The following TASP1 variants were observed in gnomAD, a reference collection of about 807,000 sequenced individuals.
The protein encoded by TASP1 is threonine aspartase 1.
TASP1 carries 16 observed loss-of-function variants against 56.6 expected under a neutral mutation model. That is an observed-to-expected ratio of 0.28 (90% CI 0.19 to 0.43). TASP1 has a LOEUF of 0.43. Among genes scored for constraint, TASP1 ranks in the 20% least tolerant of loss-of-function variants. The pLI is 1.00. For missense variants in TASP1, 393 were observed against 511.6 expected, an observed-to-expected ratio of 0.77 and a Z score of 2.24; for synonymous variants, 179 against 184.2, an observed-to-expected ratio of 0.97 and a Z score of 0.23.
chr20:13,593,470 TACC>T (rs888236752), intron 4 of TASP1, among the ~76,000 whole-genome samples: 2 of 152,156 alleles, frequency 1.3e-5, no homozygotes, highest in African/African-American at 4.8e-5. Flanking sequence ...TGACAGACTG[TACC>T]TGGAAAAACA....
chr20:13,495,287 C>A (rs2146596070), intron 10 of TASP1, among the ~76,000 whole-genome samples: 2 of 152,216 alleles, frequency 1.3e-5, no homozygotes, highest in Admixed American at 1.3e-4. Context: ...CAATATAAAT[C>A]ATTTCATCAG....
the TASP1 span, among the ~76,000 whole-genome samples, chr20:13,115,622 T>C: frequency 6.6e-6 from 1 of 152,208 alleles, no homozygotes; most frequent in South Asian, 2.1e-4. Context: ...CCATTTATTA[T>C]GTATGACATC....
At chr20:13,232,388 A>G in the TASP1 span, among the ~76,000 whole-genome samples, 2 of 152,208 alleles carry the variant, frequency 1.3e-5, no homozygotes, top group Non-Finnish European at 2.9e-5. Flanking sequence ...ACTTTTATAT[A>G]AGTGGAATAC....
At chr20:13,417,542 A>C (rs753078475) in intron 12 of TASP1, 21 bp from the exon 13 acceptor site, 20 of 1,613,310 alleles carry the variant, frequency 1.2e-5, no homozygotes, top group Admixed American at 3.3e-5. Flanking sequence ...AGAGAACACA[A>C]ATAGGCACAT....
intron 8 of TASP1, among the ~76,000 whole-genome samples, chr20:13,542,279 T>C (rs925223019): frequency 3.3e-5 from 5 of 152,130 alleles, no homozygotes; most frequent in African/African-American, 1.2e-4. Context: ...AAAGCATTAA[T>C]AGAGATACAG....
At chr20:13,412,137 C>T (rs1033357644) in intron 13 of TASP1, among the ~76,000 whole-genome samples, 2 of 152,144 alleles carry the variant, frequency 1.3e-5, no homozygotes, top group African/African-American at 4.8e-5. Context: ...TGGTGTGTTG[C>T]CACTTGATGA....
At chr20:13,121,140 G>C in the TASP1 span, among the ~76,000 whole-genome samples, 1 of 152,316 alleles carries the variant, frequency 6.6e-6, no homozygotes, top group South Asian at 2.1e-4. Flanking sequence ...CCCAGGCAAG[G>C]ATCTTGAGTC....
chr20:13,223,472 A>G, the TASP1 span, among the ~76,000 whole-genome samples: 1 of 152,188 alleles, frequency 6.6e-6, no homozygotes, highest in Non-Finnish European at 1.5e-5. Flanking sequence ...AGGTACAGAG[A>G]GGTTAAAAAA....
intron 10 of TASP1, among the ~76,000 whole-genome samples, chr20:13,525,012 G>A (rs934152342): frequency 1.2e-4 from 19 of 152,130 alleles, no homozygotes; most frequent in Non-Finnish European, 2.9e-5. Context: ...TCTCACTGAT[G>A]AGACATCCCT....
At chr20:13,122,696 C>T in the TASP1 span, among the ~76,000 whole-genome samples, 5 of 152,174 alleles carry the variant, frequency 3.3e-5, no homozygotes, top group Non-Finnish European at 7.3e-5. Flanking sequence ...AACCTCAGGC[C>T]ACCAGGGAAT....
the TASP1 span, among the ~76,000 whole-genome samples, chr20:13,200,592 G>T: frequency 6.6e-6 from 1 of 152,056 alleles, no homozygotes; most frequent in African/African-American, 2.4e-5. Flanking sequence ...TTAAAATATG[G>T]TTTATTTTCT....
At position 13,469,212 on chromosome 20, in the gene TASP1, T is replaced by G. The variant is rs771052093; in HGVS notation, c.985+14015A>C. Among the ~76,000 whole-genome samples the G allele has an allele frequency of 2.6e-5, 4 of 152,330 alleles. No homozygotes were observed. In the East Asian group the frequency reaches 5.8e-4, roughly 22 times the overall value. On this transcript the variant is annotated intron_variant, in intron 11 of 13. Coordinates refer to ENST00000337743, the MANE Select transcript of TASP1 (RefSeq NM_017714.3). ...CCAAATTATTTCCAGTTATCAAAATTTAGTAGCTATTTTAAATGGCTTTTT... is the reference window on the plus strand; with the variant it reads ...CCAAATTATTTCCAGTTATCAAAATGTAGTAGCTATTTTAAATGGCTTTTT...
the TASP1 span, among the ~76,000 whole-genome samples, chr20:13,134,724 T>C: frequency 6.6e-6 from 1 of 151,224 alleles, no homozygotes; most frequent in Non-Finnish European, 1.5e-5. Flanking sequence ...GAACAGAGGA[T>C]GGAATTCTGG....
At position 13,528,346 on chromosome 20, in the gene TASP1, CTA is replaced by C. The variant is rs377751766; in HGVS notation, c.874+85_874+86del. The C allele has an allele frequency of 9.7e-6, 11 of 1,132,372 alleles. No homozygotes were observed. In the African/African-American group the frequency reaches 1.2e-4, roughly 13 times the overall value. The allele number at this position is 1,132,372 out of a possible 1,614,324, so 70.1% of individuals were successfully genotyped here. A position where few individuals can be genotyped will look rare whatever the true frequency, so the allele number is the denominator to read the frequency against. The stretch of plus-strand genomic sequence containing the variant: ...TCCATACACTGTCATAGCACATGTT[CTA>C]TGTTTACCCACAAATATTGCTTTTA... On this transcript the variant is annotated intron_variant, in intron 10 of 13. Transcript: ENST00000337743.
At chr20:13,602,633 T>C (rs917342782) in intron 4 of TASP1, among the ~76,000 whole-genome samples, 2 of 152,160 alleles carry the variant, frequency 1.3e-5, no homozygotes, top group African/African-American at 2.4e-5. Context: ...AGAATGAAGC[T>C]GTTCCACCTC....
At chr20:13,237,931 A>G in the TASP1 span, 1 of 152,166 alleles carries the variant, frequency 6.6e-6, no homozygotes. Flanking sequence ...TGCCATTGTT[A>G]CAACATCAAA....
chr20:13,236,032 C>G, the TASP1 span, among the ~76,000 whole-genome samples: 1 of 151,892 alleles, frequency 6.6e-6, no homozygotes, highest in Non-Finnish European at 1.5e-5. Flanking sequence ...TCAAGCAAGT[C>G]TACTGCCTCA....
At chr20:13,563,845 C>A (rs1007252052) in intron 7 of TASP1, among the ~76,000 whole-genome samples, 1 of 151,848 alleles carries the variant, frequency 6.6e-6, no homozygotes, top group African/African-American at 2.4e-5. Context: ...TTATAAAATT[C>A]AAAATTCTTT....
chr20:13,296,014 T>C, the TASP1 span, among the ~76,000 whole-genome samples: 13 of 152,210 alleles, frequency 8.5e-5, no homozygotes, highest in African/African-American at 3.1e-4. Flanking sequence ...TGACTTCCCC[T>C]GCTAGAAATG....
Sources: allele counts gnomAD v4.1 joint callset (sites outside exome capture counted in the v4.1 genomes callset), GRCh38; gene constraint gnomAD v4.1.1; transcripts MANE v1.5; gene names NCBI Gene and HGNC (gene_info 2026-07-23, HGNC 2026-07-21).